The following FBN3 variants were observed in gnomAD, a reference collection of about 807,000 sequenced individuals.
FBN3 encodes the protein fibrillin-3.
FBN3 carries 234 observed loss-of-function variants against 330.1 expected under a neutral mutation model. The ratio of observed to expected loss-of-function variants is 0.71; its 90% CI spans 0.64 to 0.79. FBN3 has a LOEUF of 0.79. Ranked by LOEUF, FBN3 falls within the 30% of genes least tolerant of loss-of-function variation. The pLI, the probability that FBN3 is intolerant of heterozygous loss-of-function variation, is 0.00. For missense variants in FBN3, 3,606 were observed against 3,886.9 expected (o/e 0.93, Z 1.92); for synonymous variants, 1,458 against 1,517.3 (o/e 0.96, Z 0.91).
intron 38 of FBN3, among the ~76,000 whole-genome samples, chr19:8,105,709 T>C (rs2082423300): frequency 6.6e-6 from 1 of 152,168 alleles, no homozygotes; most frequent in Non-Finnish European, 1.5e-5. Context: ...TCACCAAAAA[T>C]AGCAGAGCAG....
rs1555721997 is a variant in FBN3, at chr19:8,068,701, CAAATAAATAAAT to C, written c.8089-2453_8089-2442del. Among the ~76,000 whole-genome samples the C allele has an allele frequency of 9.8e-3, 1,260 of 127,942 alleles. 20 individuals are homozygous for C. The highest frequency in any genetic ancestry group is 0.033 in the African/African-American group (1,178 of 36,034). The allele number at this position is 127,942 out of a possible 152,430, so 83.9% of individuals were successfully genotyped here. A position where few individuals can be genotyped will look rare whatever the true frequency, so the allele number is the denominator to read the frequency against. ...TGGGTGACAGAGTGAGACCTTGTCTCAAATAAATAAATAAATAAATAAATAATAAATCAATAA... is the reference window on the plus strand; with the variant it reads ...TGGGTGACAGAGTGAGACCTTGTCTCAAATAAATAAATAATAAATCAATAA... On this transcript the variant is annotated intron_variant, in intron 63 of 63. Transcript: ENST00000600128.
At position 8,145,829 on chromosome 19, in the gene FBN3, A is replaced by G. The variant is rs1237851235; in HGVS notation, c.445+14T>C. 1 of 1,545,116 alleles carries G rather than the reference A, an allele frequency of 6.5e-7. No individual in the cohort carries two copies. Among genetic ancestry groups the G allele is most frequent in the South Asian group, 1.2e-5 (1 of 83,948 alleles). On this transcript the variant is annotated intron_variant, in intron 5 of 63. Coordinates refer to ENST00000600128, the MANE Select transcript of FBN3 (RefSeq NM_032447.5). Reference sequence around the variant, plus strand: ...CCAGGTGTGCAAAGAGGGGAGTCCCATGGGGATACTCACGCTGCCCACACA... The same window carrying G: ...CCAGGTGTGCAAAGAGGGGAGTCCCGTGGGGATACTCACGCTGCCCACACA...
intron 63 of FBN3, among the ~76,000 whole-genome samples, chr19:8,069,040 G>A (rs2081454888): frequency 6.6e-6 from 1 of 152,128 alleles, no homozygotes; most frequent in Non-Finnish European, 1.5e-5. Context: ...GTCTTGGGAT[G>A]GCTGGTGTTA....
At chr19:8,117,360 TG>T (rs1599381433) in intron 27 of FBN3, 69 bp from the exon 28 acceptor site, 2 of 1,443,138 alleles carry the variant, frequency 1.4e-6, no homozygotes, top group East Asian at 5.2e-5. Context: ...GGGGCTGGTT[TG>T]GGGGTGGGAG....
intron 24 of FBN3, among the ~76,000 whole-genome samples, chr19:8,122,062 C>T (rs980356836): frequency 1.3e-5 from 2 of 152,096 alleles, no homozygotes; most frequent in Non-Finnish European, 2.9e-5. Flanking sequence ...TTGTTTTTCA[C>T]TCAGGCTGGA....
intron 63 of FBN3, among the ~76,000 whole-genome samples, chr19:8,071,818 G>C (rs559651843): frequency 6.6e-6 from 1 of 151,520 alleles, no homozygotes; most frequent in East Asian, 2.0e-4. Flanking sequence ...CCAGGAGTGA[G>C]GCAGAGTGTC....
At chr19:8,080,928 A>T (rs543408421) in intron 59 of FBN3, 75 bp downstream of exon 59, 15 of 1,114,292 alleles carry the variant, frequency 1.3e-5, no homozygotes, top group East Asian at 2.4e-5. Context: ...GGCCAACTTG[A>T]TATTTTTTTG....
At chr19:8,118,672 CGT>C (rs2082766825) in intron 26 of FBN3, among the ~76,000 whole-genome samples, 1 of 152,088 alleles carries the variant, frequency 6.6e-6, no homozygotes, top group Non-Finnish European at 1.5e-5. Context: ...CACACATGTG[CGT>C]GTTCATCTAG....
At chr19:8,120,516 TCTCA>T (rs2082821404) in intron 25 of FBN3, among the ~76,000 whole-genome samples, 2 of 151,196 alleles carry the variant, frequency 1.3e-5, no homozygotes, top group South Asian at 2.1e-4. Context: ...TTAGACAGGG[TCTCA>T]CTCTGTCACC....
At position 8,118,913 on chromosome 19, in the gene FBN3, C is replaced by T. The variant is rs1297443225; in HGVS notation, c.3321G>A (p.Lys1107=). 2.5e-6 allele frequency: 4 copies of T among 1,612,442 alleles called. No homozygotes were observed. The highest frequency in any genetic ancestry group is 1.7e-5 in the Admixed American group (1 of 59,982). ...QCPPGHELTA[K]GTACEDIDEC... ...CACACTTACCCTCACAGGCAGTGCC[C>T]TTGGCCGTCAGCTCATGCCCAGGGG... is the stretch of plus-strand genomic sequence containing the variant. The change falls in exon 26 of 64, where the codon AAG becomes AAA. Residue 1107 remains lysine (K), a synonymous_variant. Transcript: ENST00000600128.
chr19:8,103,515 G>A (rs4289098), intron 39 of FBN3, 47 bp downstream of exon 39: 871,204 of 1,590,432 alleles, frequency 0.55, 248,889 homozygotes, highest in Middle Eastern at 0.6. Context: ...CCATGCCCAG[G>A]TGCTGCTTCT....
In FBN3 at chr19:8,124,686, G is replaced by A. The variant is rs553115519; in HGVS notation, c.2732-678C>T. On this transcript the variant is annotated intron_variant, in intron 22 of 63. Transcript: ENST00000600128. ...CCGAGTAGCTGGGATTACAGACACC[G>A]CTACCACGCTCACCTAATTTTTGTA... Among the ~76,000 whole-genome samples, 241 of 152,000 alleles carry A rather than the reference G, an allele frequency of 1.6e-3. 4 individuals carry two copies. Among genetic ancestry groups the A allele is most frequent in the Middle Eastern group, 0.01 (3 of 294 alleles).
chr19:8,138,530 G>A lies in FBN3; in HGVS notation c.900C>T (p.Phe300=), dbSNP rs142114636. Reference sequence around the variant, plus strand: ...CGAGGTCTCCAGCACAGCGGCCCCCGAAAAGCACTGAGAAGCAGGCGCCGG... The same window carrying A: ...CGAGGTCTCCAGCACAGCGGCCCCCAAAAAGCACTGAGAAGCAGGCGCCGG... ...YRAGACFSVL[F]GGRCAGDLAG... Residue 300 remains phenylalanine, a synonymous_variant, in exon 9 of 64, where the codon TTC becomes TTT. Transcript: ENST00000600128. 100 of 1,612,004 alleles carry A rather than the reference G, an allele frequency of 6.2e-5. No homozygotes were observed. Among genetic ancestry groups the A allele is most frequent in the Middle Eastern group, 1.7e-4 (1 of 6,056 alleles).
At chr19:8,135,936 G>GGGGGGGGGCCC in intron 13 of FBN3, 25 bp downstream of exon 13, 1 of 668,778 alleles carries the variant, frequency 1.5e-6, no homozygotes, top group Non-Finnish European at 2.4e-6. Flanking sequence ...GGAAGCCCCT[G>GGGGGGGGGCCC]CCCACCCGCC....
In FBN3 at chr19:8,142,043, G is replaced by A. The variant is rs1442269600; in HGVS notation, c.636C>T (p.Ala212=). ...GAAGGCCCCAGGCACGGCCCACAGTGGCACAGCAAAGTGCCTTGGTGCACA... is the reference window on the plus strand; with the variant it reads ...GAAGGCCCCAGGCACGGCCCACAGTAGCACAGCAAAGTGCCTTGGTGCACA... ...GLVCTKALCC[A]TVGRAWGLPC... The change falls in exon 7 of 64, where the codon GCC becomes GCT. Residue 212 remains alanine (A), a synonymous_variant. Coordinates refer to ENST00000600128, the MANE Select transcript of FBN3 (RefSeq NM_032447.5). 1 of 1,614,138 alleles carries A rather than the reference G, an allele frequency of 6.2e-7. No homozygotes were observed. Among genetic ancestry groups the A allele is most frequent in the Non-Finnish European group, 8.5e-7 (1 of 1,180,016 alleles).
chr19:8,126,068 G>A (rs1195745054), intron 21 of FBN3, 51 bp from the exon 22 acceptor site: 1 of 1,611,128 alleles, frequency 6.2e-7, no homozygotes, highest in African/African-American at 1.3e-5. Context: ...GAAGGGTGCT[G>A]GCTGGCCATT....
intron 3 of FBN3, 35 bp downstream of exon 3, chr19:8,147,069 G>A (rs1421753458): frequency 6.5e-7 from 1 of 1,530,482 alleles, no homozygotes; most frequent in Non-Finnish European, 8.8e-7. Context: ...TCCCCGGCCT[G>A]TGCCCCCCCA....
chr19:8,083,928 A>G (rs927956603), intron 56 of FBN3, among the ~76,000 whole-genome samples: 17 of 150,198 alleles, frequency 1.1e-4, no homozygotes, highest in African/African-American at 4.2e-4. Flanking sequence ...TCAGCCTCCC[A>G]AGTAGCTGGG....
At chr19:8,148,463 C>T (rs2083601603) in intron 1 of FBN3, among the ~76,000 whole-genome samples, 1 of 152,186 alleles carries the variant, frequency 6.6e-6, no homozygotes, top group Non-Finnish European at 1.5e-5. Context: ...TAAGCCGGAG[C>T]TTAAGCCCAC....
Sources: gnomAD v4.1 joint callset for allele counts (sites outside exome capture counted in the v4.1 genomes callset) on GRCh38, gnomAD v4.1.1 for gene constraint, MANE v1.5 for transcripts, NCBI Gene and HGNC (gene_info 2026-07-23, HGNC 2026-07-21) for gene names.